The following CFAP96 variants were observed in gnomAD, a reference collection of about 807,000 sequenced individuals.
CFAP96 encodes cilia and flagella associated protein 96.
chr4:185,434,263 C>T, the CFAP96 span, among the ~76,000 whole-genome samples: 5 of 152,072 alleles, frequency 3.3e-5, no homozygotes, highest in African/African-American at 1.2e-4. Flanking sequence ...GGGTTTTCTT[C>T]TTTAATTTCA....
the CFAP96 span, among the ~76,000 whole-genome samples, chr4:185,433,548 C>T: frequency 8.1e-6 from 1 of 123,734 alleles, no homozygotes; most frequent in Non-Finnish European, 1.7e-5. Flanking sequence ...CTTTGTATAA[C>T]TTATACTTCC....
chr4:185,414,452 T>C, the CFAP96 span, among the ~76,000 whole-genome samples: 1 of 152,200 alleles, frequency 6.6e-6, no homozygotes, highest in East Asian at 1.9e-4. Context: ...ACATGTTCTT[T>C]ATCATATCTT....
At chr4:185,424,500 C>T in the CFAP96 span, among the ~76,000 whole-genome samples, 1 of 152,112 alleles carries the variant, frequency 6.6e-6, no homozygotes, top group Non-Finnish European at 1.5e-5. Flanking sequence ...AGATCATATA[C>T]CCTTTGTCCC....
At chr4:185,434,315 T>A in the CFAP96 span, among the ~76,000 whole-genome samples, 2 of 152,246 alleles carry the variant, frequency 1.3e-5, no homozygotes, top group Non-Finnish European at 2.9e-5. Flanking sequence ...TTTGAATTAT[T>A]TATTCTTATT....
At chr4:185,447,392 G>A in the CFAP96 span, among the ~76,000 whole-genome samples, 7 of 152,112 alleles carry the variant, frequency 4.6e-5, no homozygotes, top group Admixed American at 4.6e-4. Context: ...GTGTTAGCCA[G>A]GATGGACTTG....
At chr4:185,413,108 C>T in the CFAP96 span, among the ~76,000 whole-genome samples, 1 of 152,146 alleles carries the variant, frequency 6.6e-6, no homozygotes, top group South Asian at 2.1e-4. Flanking sequence ...AGTTCACGAC[C>T]AGCCTGGCCA....
chr4:185,431,909 T>C, the CFAP96 span: 1 of 1,223,586 alleles, frequency 8.2e-7, no homozygotes, highest in Non-Finnish European at 1.1e-6. Flanking sequence ...ATTTGGAAAT[T>C]GTTATCTTAT....
At chr4:185,410,397 C>G in the CFAP96 span, among the ~76,000 whole-genome samples, 1 of 152,176 alleles carries the variant, frequency 6.6e-6, no homozygotes, top group Non-Finnish European at 1.5e-5. Context: ...TGCCTGTAAT[C>G]CCAGCACTTT....
chr4:185,425,817 C>G, the CFAP96 span: 1 of 1,589,806 alleles, frequency 6.3e-7, no homozygotes, highest in Non-Finnish European at 8.6e-7. Context: ...TGGCGGCTGC[C>G]AAAGTCCGGG....
At chr4:185,420,379 G>A in the CFAP96 span, among the ~76,000 whole-genome samples, 1 of 152,056 alleles carries the variant, frequency 6.6e-6, no homozygotes, top group Non-Finnish European at 1.5e-5. Context: ...AACAATATAA[G>A]AAGATATAGT....
At chr4:185,439,734 TATATA>T in the CFAP96 span, among the ~76,000 whole-genome samples, 85 of 149,608 alleles carry the variant, frequency 5.7e-4, no homozygotes, top group African/African-American at 1.9e-3. Context: ...AGACATGTAA[TATATA>T]ATATATACAT....
chr4:185,422,703 T>G, the CFAP96 span: 1 of 691,780 alleles, frequency 1.4e-6, no homozygotes, highest in African/African-American at 1.9e-5. Flanking sequence ...ATTCCTTGTT[T>G]TATAGAAAAA....
At chr4:185,447,495 C>G in the CFAP96 span, among the ~76,000 whole-genome samples, 1 of 152,026 alleles carries the variant, frequency 6.6e-6, no homozygotes, top group African/African-American at 2.4e-5. Context: ...TATATTTTTT[C>G]AAAACATTTA....
chr4:185,426,000 C>T, the CFAP96 span: 7 of 1,059,412 alleles, frequency 6.6e-6, no homozygotes, highest in South Asian at 8.5e-5. Context: ...ACATGCTCGG[C>T]GGCATGACGT....
chr4:185,441,609 C>T, the CFAP96 span, among the ~76,000 whole-genome samples: 1,156 of 151,344 alleles, frequency 7.6e-3, 10 homozygotes, highest in Non-Finnish European at 0.012. Flanking sequence ...TTCTTAATTT[C>T]TTCTATTAAA....
At chr4:185,414,749 C>T in the CFAP96 span, among the ~76,000 whole-genome samples, 9 of 152,138 alleles carry the variant, frequency 5.9e-5, no homozygotes, top group Non-Finnish European at 1.2e-4. Flanking sequence ...ACCATAAATC[C>T]TATTCAGAAT....
the CFAP96 span, among the ~76,000 whole-genome samples, chr4:185,419,006 G>T: frequency 1.3e-5 from 2 of 152,052 alleles, no homozygotes; most frequent in South Asian, 2.1e-4. Flanking sequence ...TATTCATAAG[G>T]TTTCATAATG....
the CFAP96 span, chr4:185,445,055 A>G: frequency 4.5e-6 from 7 of 1,551,642 alleles, no homozygotes; most frequent in Non-Finnish European, 6.1e-6. Flanking sequence ...TCTGGCAAAG[A>G]TGATAAGATT....
At chr4:185,434,019 G>A in the CFAP96 span, among the ~76,000 whole-genome samples, 1 of 152,084 alleles carries the variant, frequency 6.6e-6, no homozygotes, top group Non-Finnish European at 1.5e-5. Context: ...AGGAGTTTGT[G>A]ACCAGTCTGG....
Sources: gnomAD v4.1 joint callset for allele counts (sites outside exome capture counted in the v4.1 genomes callset) on GRCh38, gnomAD v4.1.1 for gene constraint, MANE v1.5 for transcripts, NCBI Gene and HGNC (gene_info 2026-07-23, HGNC 2026-07-21) for gene names.